RUBCN: variants seen among roughly 807,000 people sequenced by gnomAD.
The protein encoded by RUBCN is run domain Beclin-1-interacting and cysteine-rich domain-containing protein.
In RUBCN, 74 loss-of-function variants were observed where a neutral mutation model predicts 113.2. The ratio of observed to expected loss-of-function variants is 0.65; its 90% CI spans 0.54 to 0.79. The LOEUF (loss-of-function observed/expected upper bound fraction) is 0.79, where lower values mean the gene tolerates loss of function less well. Ranked by LOEUF, RUBCN falls within the 30% of genes least tolerant of loss-of-function variation. The pLI, the probability that RUBCN is intolerant of heterozygous loss-of-function variation, is 0.00. For synonymous variants in RUBCN, 480 were observed against 490.0 expected (o/e 0.98, Z 0.27); for missense variants, 1,109 against 1,251.7 (o/e 0.89, Z 1.72).
At chr3:197,696,742 G>C (rs28416785) in intron 8 of RUBCN, among the ~76,000 whole-genome samples, 1 of 144,956 alleles carries the variant, frequency 6.9e-6, no homozygotes, top group Admixed American at 6.8e-5. Flanking sequence ...ACGTAAGAGA[G>C]GGTGGGACCC....
chr3:197,731,093 A>T (rs1462927343), intron 1 of RUBCN, among the ~76,000 whole-genome samples: 2 of 151,740 alleles, frequency 1.3e-5, no homozygotes, highest in Non-Finnish European at 2.9e-5. Flanking sequence ...GTCAGCAGAT[A>T]AACAAGTGAA....
rs540371438 is a variant in RUBCN, at chr3:197,672,217, T to A, written c.*2801A>T. ...GGAAAATATTTGTCTTCCACTCTTC[T>A]GCTATGTCTTGAATCTTGTCTCCAC... On this transcript the variant is annotated 3_prime_UTR_variant, in exon 20 of 20. Transcript: ENST00000296343. The A allele has an allele frequency of 3.2e-4, 49 of 152,372 alleles. No individual in the cohort carries two copies. The highest frequency in any genetic ancestry group is 1.2e-3 in the African/African-American group (49 of 41,584). The allele number at this position is 152,372 out of a possible 1,614,324, so 9.4% of individuals were successfully genotyped here. A position where few individuals can be genotyped will look rare whatever the true frequency, so the allele number is the denominator to read the frequency against.
chr3:197,747,934 T>C (rs1422446843), intron 1 of RUBCN, among the ~76,000 whole-genome samples: 1 of 151,358 alleles, frequency 6.6e-6, no homozygotes, highest in Non-Finnish European at 1.5e-5. Context: ...CTGTAGTTTT[T>C]TTTTTTTTTT....
intron 8 of RUBCN, among the ~76,000 whole-genome samples, chr3:197,696,226 G>C (rs1250749634): frequency 2.0e-5 from 3 of 152,090 alleles, no homozygotes; most frequent in East Asian, 3.9e-4. Context: ...ACAAAAATTA[G>C]CTGGGCATGG....
At chr3:197,677,314 GAGA>G (rs1226949547) in intron 17 of RUBCN, among the ~76,000 whole-genome samples, 163 bp downstream of exon 17, 2 of 152,356 alleles carry the variant, frequency 1.3e-5, no homozygotes, top group Admixed American at 1.3e-4. Context: ...CCCTTCCAGA[GAGA>G]AGGACACAGA....
intron 8 of RUBCN, 51 bp downstream of exon 8, chr3:197,696,903 G>A (rs770338643): frequency 6.2e-6 from 6 of 971,180 alleles, no homozygotes; most frequent in Non-Finnish European, 1.0e-5. Flanking sequence ...CAGGCACAAG[G>A]GGTGAGCAGA....
intron 7 of RUBCN, chr3:197,699,162 G>GGAGGT: frequency 1.3e-6 from 2 of 1,514,408 alleles, no homozygotes; most frequent in South Asian, 2.4e-5. Context: ...AGAACAAAGA[G>GGAGGT]GAGGTGGAGG....
At chr3:197,743,564 G>C (rs1728613408) in intron 1 of RUBCN, among the ~76,000 whole-genome samples, 1 of 152,198 alleles carries the variant, frequency 6.6e-6, no homozygotes, top group South Asian at 2.1e-4. Context: ...AAGTGGCAAA[G>C]AAAAGCTACT....
In RUBCN at chr3:197,675,503, T is replaced by C; in HGVS notation, c.2659A>G (p.Lys887Glu). 1 of 1,613,936 alleles carries C rather than the reference T, an allele frequency of 6.2e-7. No individual in the cohort carries two copies. Among genetic ancestry groups the C allele is most frequent in the Non-Finnish European group, 8.5e-7 (1 of 1,179,850 alleles). ...HVERCMLCQA[K>E]GFICEFCQNE... ...TGACAGAACTCACAGATGAAGCCTT[T>C]GGCTTGGCAGAGCTGGGGAGGAAAA... Residue 887 changes from lysine to glutamate, a missense_variant, in exon 19 of 20, where the codon AAA becomes GAA. Lys to Glu is a moderately conservative substitution (Grantham distance 56). Coordinates refer to ENST00000296343, the MANE Select transcript of RUBCN (RefSeq NM_014687.4). This position sits in a 1 kb window ranked among gnomAD's most constrained non-coding sequence, Gnocchi z 4.4.
exon 1 of RUBCN, chr3:197,749,406 C>G: frequency 1.7e-6 from 2 of 1,211,518 alleles, no homozygotes; most frequent in Middle Eastern, 6.2e-4. Flanking sequence ...GGAACCGTCA[C>G]TGCAGCGTTT....
At chr3:197,726,316 G>A (rs758805222) in intron 1 of RUBCN, among the ~76,000 whole-genome samples, 5 of 151,882 alleles carry the variant, frequency 3.3e-5, no homozygotes, top group Admixed American at 6.6e-5. Context: ...GCGTGATCTC[G>A]GTTCACTGCA....
intron 1 of RUBCN, among the ~76,000 whole-genome samples, chr3:197,722,890 T>G (rs1726324054): frequency 6.6e-6 from 1 of 152,122 alleles, no homozygotes; most frequent in African/African-American, 2.4e-5. Flanking sequence ...CGGTTGGGGC[T>G]TATTTGGAAG....
intron 5 of RUBCN, 151 bp downstream of exon 5, chr3:197,703,397 C>CCA: frequency 6.5e-6 from 1 of 154,832 alleles, no homozygotes; most frequent in Admixed American, 1.2e-4. Context: ...GACTCTGTCT[C>CCA]AAAAAAAAAA....
exon 1 of RUBCN, chr3:197,749,638 A>G (rs1321163786): frequency 8.4e-6 from 8 of 950,668 alleles, no homozygotes; most frequent in Non-Finnish European, 1.2e-5. Flanking sequence ...CACTGAAGGC[A>G]TAAGATTCAG....
chr3:197,693,944 T>G (rs1378597343), intron 10 of RUBCN, 128 bp from the exon 11 acceptor site: 5 of 712,630 alleles, frequency 7.0e-6, no homozygotes, highest in African/African-American at 1.8e-5. Flanking sequence ...CTTTAGAAAG[T>G]TTCAAGTAAA....
chr3:197,683,360 G>A lies in RUBCN; in HGVS notation c.1927C>T (p.Pro643Ser). 6.2e-7 allele frequency: 1 copy of A among 1,614,204 alleles called. No individual in the cohort carries two copies. Among genetic ancestry groups the A allele is most frequent in the Non-Finnish European group, 8.5e-7 (1 of 1,180,038 alleles). The change falls in exon 13 of 20, where the codon CCA (proline) becomes TCA (serine). Residue 643 changes from proline (P) to serine (S), a missense_variant. Coordinates refer to ENST00000296343, the MANE Select transcript of RUBCN (RefSeq NM_014687.4). This position sits in a 1 kb window ranked among gnomAD's most constrained non-coding sequence, Gnocchi z 4.6. Reference sequence around the variant, plus strand: ...AGCCACTCCAGCTCCGAGGCGGCTGGAAGCTGCATCCCCTCAAACTGCTTC... The same window carrying A: ...AGCCACTCCAGCTCCGAGGCGGCTGAAAGCTGCATCCCCTCAAACTGCTTC... ...LLKQFEGMQL[P>S]AASELEWLVP...
Position 197,681,222 on chromosome 3 carries a change from G to A in RUBCN, c.2337C>T (p.Asp779=). The A allele has an allele frequency of 6.2e-7, 1 of 1,614,140 alleles. No homozygotes were observed. The highest frequency in any genetic ancestry group is 1.1e-5 in the South Asian group (1 of 91,082). ...GATCATTCCAGATCTTAATGAGCAG[G>A]TCCTTGGAGAAGTTGCTGACGTAGT... ...SKYYVSNFSK[D]LLIKIWNDPL... The change falls in exon 16 of 20, where the codon GAC becomes GAT. Residue 779 remains aspartate, a synonymous_variant. Transcript: ENST00000296343. This position sits in a 1 kb window ranked among gnomAD's most constrained non-coding sequence, Gnocchi z 5.5.
At position 197,670,350 on chromosome 3, in the gene RUBCN, A is replaced by T. The variant is rs1439302417; in HGVS notation, c.*4668T>A. 6.6e-6 allele frequency among the ~76,000 whole-genome samples: 1 copy of T among 152,230 alleles called. No individual in the cohort carries two copies. The highest frequency in any genetic ancestry group is 2.4e-5 in the African/African-American group (1 of 41,474). ...GGCATGGTGTCTGGAACACGGAGGCATCTATAGATGTTTGGGATTGACGGA... is the reference window on the plus strand; with the variant it reads ...GGCATGGTGTCTGGAACACGGAGGCTTCTATAGATGTTTGGGATTGACGGA... On this transcript the variant is annotated 3_prime_UTR_variant, in exon 20 of 20. Coordinates refer to ENST00000296343, the MANE Select transcript of RUBCN (RefSeq NM_014687.4).
At chr3:197,685,724 A>G (rs1721766426) in intron 11 of RUBCN, among the ~76,000 whole-genome samples, 1 of 152,220 alleles carries the variant, frequency 6.6e-6, no homozygotes, top group Admixed American at 6.5e-5. Context: ...CACAACAAAG[A>G]TGTTCAAGTA....
Sources: allele counts gnomAD v4.1 joint callset (sites outside exome capture counted in the v4.1 genomes callset), GRCh38; gene constraint gnomAD v4.1.1; non-coding constraint Gnocchi (gnomAD v3.1); transcripts MANE v1.5; gene names NCBI Gene and HGNC (gene_info 2026-07-23, HGNC 2026-07-21).